The following SORL1 variants were observed in gnomAD, a reference collection of about 807,000 sequenced individuals.
SORL1 encodes sortilin-related receptor.
A neutral mutation model predicts 273.7 loss-of-function variants in SORL1; 127 were observed. That is an observed-to-expected ratio of 0.46 (90% CI 0.40 to 0.54). The LOEUF (loss-of-function observed/expected upper bound fraction) is 0.54. SORL1 is among the 20% of genes least tolerant of loss of function. SORL1 has a pLI of 0.00. For missense variants in SORL1, 2,494 were observed against 2,846.1 expected, an observed-to-expected ratio of 0.88 and a Z score of 2.81; for synonymous variants, 1,031 against 1,067.4, an observed-to-expected ratio of 0.97 and a Z score of 0.66.
intron 22 of SORL1, among the ~76,000 whole-genome samples, chr11:121,569,148 C>T (rs958518102): frequency 3.3e-5 from 5 of 152,108 alleles, no homozygotes; most frequent in Admixed American, 3.3e-4. Flanking sequence ...CCAATCAATA[C>T]CCTTGTGATT....
chr11:121,550,215 A>T lies in SORL1; in HGVS notation c.2180+127A>T. On this transcript the variant is annotated intron_variant, in intron 15 of 47. Transcript: ENST00000260197. This position sits in a 1 kb window ranked among gnomAD's most constrained non-coding sequence, Gnocchi z 5.3. Reference sequence around the variant, plus strand: ...AATTCCAAGTTAACAGCCTGCAAGTAGTTTGGGCAACATTATAAATTATGG... The same window carrying T: ...AATTCCAAGTTAACAGCCTGCAAGTTGTTTGGGCAACATTATAAATTATGG... 1 of 938,340 alleles carries T rather than the reference A, an allele frequency of 1.1e-6. No homozygotes were observed. Among genetic ancestry groups the T allele is most frequent in the Non-Finnish European group, 1.6e-6 (1 of 643,766 alleles). 58.1% of individuals were successfully genotyped at this position (938,340 alleles called of 1,614,324 possible).
At chr11:121,466,239 AC>A (rs1211730598) in intron 1 of SORL1, among the ~76,000 whole-genome samples, 1 of 152,034 alleles carries the variant, frequency 6.6e-6, no homozygotes, top group Non-Finnish European at 1.5e-5. Flanking sequence ...AGCTGATTGC[AC>A]GTCAAGGTTA....
chr11:121,626,449 T>C (rs1863795551), intron 46 of SORL1: 1 of 109,642 alleles, frequency 9.1e-6, no homozygotes, highest in Middle Eastern at 4.0e-3. Flanking sequence ...AAGATGTTGC[T>C]AGAGTTTTTT....
At position 121,624,190 on chromosome 11, in the gene SORL1, G is replaced by A. The variant is rs140868430; in HGVS notation, c.6172-895G>A. 5.9e-4 allele frequency among the ~76,000 whole-genome samples: 90 copies of A among 152,336 alleles called. 2 individuals are homozygous for A. In the East Asian group the frequency reaches 0.014, roughly 24 times the overall value. On this transcript the variant is annotated intron_variant, in intron 45 of 47. Transcript: ENST00000260197. ...AGCTAGAATTCAAGATGAGATTTGG[G>A]TGGGGACACAGCCAAACCACATCAA...
chr11:121,527,749 A>G (rs1382443293), intron 11 of SORL1, among the ~76,000 whole-genome samples: 2 of 152,106 alleles, frequency 1.3e-5, no homozygotes, highest in Non-Finnish European at 2.9e-5. Flanking sequence ...AAGTTGTGAC[A>G]TTTGTTGGCC....
chr11:121,578,724 T>G (rs914974885), intron 25 of SORL1, among the ~76,000 whole-genome samples: 1 of 152,256 alleles, frequency 6.6e-6, no homozygotes, highest in Non-Finnish European at 1.5e-5. Context: ...AATAGATCTC[T>G]TCAAATGCCA....
At chr11:121,499,376 G>A (rs956821454) in intron 6 of SORL1, among the ~76,000 whole-genome samples, 1 of 152,098 alleles carries the variant, frequency 6.6e-6, no homozygotes. Flanking sequence ...CCCAAATTGT[G>A]GTCTTAGGAG....
rs748546573 is a variant in SORL1 at position 121,555,332 on chromosome 11, CG to C, written c.2571+15del. The C allele has an allele frequency of 6.2e-7, 1 of 1,612,738 alleles. No homozygotes were observed. Among genetic ancestry groups the C allele is most frequent in the South Asian group, 1.1e-5 (1 of 90,970 alleles). On this transcript the variant is annotated intron_variant, in intron 18 of 47. Coordinates refer to ENST00000260197, the MANE Select transcript of SORL1 (RefSeq NM_003105.6). ...AAAAAGATTGAGGTATGTGTATTTTCGTGCTGTTCTTAATTAAGGGAGCAGG... is the reference window on the plus strand; with the variant it reads ...AAAAAGATTGAGGTATGTGTATTTTCTGCTGTTCTTAATTAAGGGAGCAGG...
rs1244046514 is a variant in SORL1 at position 121,605,557 on chromosome 11, G to A, written c.4934G>A (p.Arg1645Lys). ...AHNTNDFVTL[R>K]TPEGLPDAPR... The stretch of plus-strand genomic sequence containing the variant: ...AACACCAATGACTTTGTGACCCTGA[G>A]GACCCCAGAGGGATGTAAGTGTTTC... Residue 1645 changes from arginine to lysine, a missense_variant, in exon 35 of 48, where the codon AGG becomes AAG. Arg to Lys is a conservative substitution (Grantham distance 26). Around this residue, in one of 3 missense-constraint regions of SORL1, gnomAD observed 1,609 missense variants for 1,816.4 expected, o/e 0.89. Coordinates refer to ENST00000260197, the MANE Select transcript of SORL1 (RefSeq NM_003105.6). 3.1e-6 allele frequency: 5 copies of A among 1,613,160 alleles called. No individual in the cohort carries two copies. Among genetic ancestry groups the A allele is most frequent in the African/African-American group, 1.3e-5 (1 of 74,904 alleles).
chr11:121,587,246 C>A (rs1000949437), intron 27 of SORL1, among the ~76,000 whole-genome samples: 1 of 152,114 alleles, frequency 6.6e-6, no homozygotes, highest in African/African-American at 2.4e-5. Flanking sequence ...CTTTAAGGAA[C>A]CATCATGCAA....
intron 11 of SORL1, among the ~76,000 whole-genome samples, chr11:121,531,081 A>T (rs2134869802): frequency 6.6e-6 from 1 of 152,016 alleles, no homozygotes; most frequent in South Asian, 2.1e-4. Context: ...CCCTCATGGG[A>T]CATGGTTATA....
intron 25 of SORL1, among the ~76,000 whole-genome samples, chr11:121,580,449 A>G (rs766393476): frequency 6.6e-6 from 1 of 151,788 alleles, no homozygotes; most frequent in African/African-American, 2.4e-5. Flanking sequence ...TTTTATTTCC[A>G]TGAGTATACG....
chr11:121,559,447 A>T, intron 20 of SORL1, 72 bp from the exon 21 acceptor site: 3 of 1,476,910 alleles, frequency 2.0e-6, no homozygotes, highest in South Asian at 2.6e-5. Flanking sequence ...GCCTGGGGGA[A>T]CTCTTACCCT....
rs547538375 is a variant in SORL1, at chr11:121,520,545, A to G, written c.1212-112A>G. 2.2e-4 allele frequency: 140 copies of G among 646,246 alleles called. 1 individual carries two copies. Among genetic ancestry groups the G allele is most frequent in the African/African-American group, 1.7e-3 (91 of 53,830 alleles). The allele number at this position is 646,246 out of a possible 1,614,324, so 40.0% of individuals were successfully genotyped here. ...GTAATGATAGTTGCACAACATTGTG[A>G]ATGTGCTTAATGCCACAAAATTGTA... is the stretch of plus-strand genomic sequence containing the variant. On this transcript the variant is annotated intron_variant, in intron 8 of 47. Transcript: ENST00000260197.
intron 31 of SORL1, among the ~76,000 whole-genome samples, chr11:121,592,202 G>A (rs1159090686): frequency 6.6e-6 from 1 of 152,164 alleles, no homozygotes; most frequent in Non-Finnish European, 1.5e-5. Flanking sequence ...CCTCAACCTT[G>A]TCTTCCTACT....
Position 121,549,973 on chromosome 11 carries a change from A to C in SORL1, c.2065A>C (p.Lys689Gln), listed in dbSNP as rs143781243. The C allele has an allele frequency of 1.7e-5, 28 of 1,613,534 alleles. No homozygotes were observed. Among genetic ancestry groups the C allele is most frequent in the Non-Finnish European group, 2.3e-5 (27 of 1,179,698 alleles). ...TTGCCTTTTTAGTGACTTCGGTTTC[A>C]AGATGAGTGAAGATTTGTCATTAGA... ...REDYECDFGF[K>Q]MSEDLSLEVC... Residue 689 changes from lysine to glutamine, a missense_variant, in exon 15 of 48, where the codon AAG (lysine) becomes CAG (glutamine). By Grantham distance (53) the Lys-to-Gln change is moderately conservative. This residue lies in a region of SORL1 where 710 missense variants were observed against 882.5 expected (regional missense o/e 0.80). Transcript: ENST00000260197.
chr11:121,465,944 CT>C (rs1861075844), intron 1 of SORL1, among the ~76,000 whole-genome samples: 3 of 152,098 alleles, frequency 2.0e-5, no homozygotes, highest in African/African-American at 7.2e-5. Context: ...TGGGACCCCC[CT>C]AGGCCAGGTG....
intron 1 of SORL1, among the ~76,000 whole-genome samples, chr11:121,466,757 C>T (rs1861088191): frequency 6.6e-6 from 1 of 152,150 alleles, no homozygotes; most frequent in Non-Finnish European, 1.5e-5. Context: ...AGCTGTGACT[C>T]ACCAGGGAGT....
At chr11:121,510,200 T>G (rs1861855275) in intron 6 of SORL1, among the ~76,000 whole-genome samples, 1 of 151,014 alleles carries the variant, frequency 6.6e-6, no homozygotes, top group South Asian at 2.1e-4. Flanking sequence ...TGGAAAAAGT[T>G]AAGTAATACA....
Sources: gnomAD v4.1 joint callset for allele counts (sites outside exome capture counted in the v4.1 genomes callset) on GRCh38, gnomAD v4.1.1 for gene constraint, gnomAD v4.1.1 regional missense constraint, Gnocchi (gnomAD v3.1) non-coding constraint, MANE v1.5 for transcripts, NCBI Gene and HGNC (gene_info 2026-07-23, HGNC 2026-07-21) for gene names.